FREM1: variants seen among roughly 807,000 people sequenced by gnomAD.
The protein encoded by FREM1 is FRAS1-related extracellular matrix protein 1.
A neutral mutation model predicts 210.1 loss-of-function variants in FREM1; 220 were observed. The ratio of observed to expected loss-of-function variants is 1.05; its 90% confidence interval spans 0.94 to 1.17. The LOEUF is 1.17. Among genes scored for constraint, FREM1 ranks in the 50% most tolerant of loss-of-function variants. The pLI is 0.00. For synonymous variants in FREM1, 1,189 were observed against 980.2 expected (o/e 1.21, Z -3.98); for missense variants, 3,454 against 2,675.5 (o/e 1.29, Z -6.42).
chr9:14,868,888 G>T lies in FREM1; in HGVS notation c.90C>A (p.Arg30=). 6.2e-7 allele frequency: 1 copy of T among 1,606,542 alleles called. No homozygotes were observed. Among genetic ancestry groups the T allele is most frequent in the Non-Finnish European group, 8.5e-7 (1 of 1,176,582 alleles). ...AGTGGCCCTTCATCACCCTCACCCCGCGGTTGATGCTGATGAAGGTGGGGC... is the reference window on the plus strand; with the variant it reads ...AGTGGCCCTTCATCACCCTCACCCCTCGGTTGATGCTGATGAAGGTGGGGC... ...WASPTFISIN[R]GVRVMKGHSA... is the part of the protein sequence containing the mutation. The change falls in exon 2 of 37, where the codon CGC becomes CGA. Residue 30 remains arginine, a synonymous_variant. Transcript: ENST00000380880.
At chr9:14,873,566 C>CTTT (rs146103469) in intron 1 of FREM1, among the ~76,000 whole-genome samples, 78,151 of 151,448 alleles carry the variant, frequency 0.52, 21,859 homozygotes, top group African/African-American at 0.74. Context: ...CTCTTTTCTT[C>CTTT]ATTAGTCTTG....
chr9:14,882,113 G>A (rs7870578), intron 1 of FREM1, among the ~76,000 whole-genome samples: 1 of 151,312 alleles, frequency 6.6e-6, no homozygotes, highest in African/African-American at 2.4e-5. Context: ...TTATTATTTT[G>A]TGTGTGTGTG....
chr9:14,855,168 T>C (rs1440026133), intron 5 of FREM1, among the ~76,000 whole-genome samples: 1 of 152,062 alleles, frequency 6.6e-6, no homozygotes, highest in Non-Finnish European at 1.5e-5. Flanking sequence ...ATAGGCCTAT[T>C]ATGTTTAGAA....
chr9:14,903,158 C>A (rs1455387699), intron 1 of FREM1, among the ~76,000 whole-genome samples: 3 of 152,092 alleles, frequency 2.0e-5, no homozygotes, highest in Non-Finnish European at 4.4e-5. Flanking sequence ...TAAGTAAAGT[C>A]ATTTTTATAA....
At chr9:14,791,889 GC>G (rs141417030) in intron 22 of FREM1, among the ~76,000 whole-genome samples, 11,927 of 152,134 alleles carry the variant, frequency 0.078, 564 homozygotes, top group East Asian at 0.1. Flanking sequence ...CTGGAGTGCA[GC>G]AGCACAATCT....
intron 3 of FREM1, among the ~76,000 whole-genome samples, chr9:14,861,715 C>G (rs1227860880): frequency 6.6e-6 from 1 of 152,014 alleles, no homozygotes; most frequent in Admixed American, 6.6e-5. Flanking sequence ...CCATGTTGAC[C>G]AGGCTGGTCT....
At chr9:14,811,896 G>C (rs1308771806) in intron 16 of FREM1, among the ~76,000 whole-genome samples, 1 of 152,066 alleles carries the variant, frequency 6.6e-6, no homozygotes, top group African/African-American at 2.4e-5. Flanking sequence ...TCCTGCATTG[G>C]AACTTGCAGT....
At chr9:14,856,451 C>T (rs1828744740) in intron 5 of FREM1, among the ~76,000 whole-genome samples, 1 of 152,046 alleles carries the variant, frequency 6.6e-6, no homozygotes, top group Non-Finnish European at 1.5e-5. Flanking sequence ...ATATCAATTC[C>T]TTGGGGTAAT....
chr9:14,886,133 T>G (rs1835761335), intron 1 of FREM1, among the ~76,000 whole-genome samples: 1 of 152,022 alleles, frequency 6.6e-6, no homozygotes, highest in Non-Finnish European at 1.5e-5. Context: ...ACGCCTGTAA[T>G]CCCAGCACTT....
At chr9:14,896,750 T>G (rs1185974851) in intron 1 of FREM1, among the ~76,000 whole-genome samples, 1 of 152,176 alleles carries the variant, frequency 6.6e-6, no homozygotes, top group Non-Finnish European at 1.5e-5. Flanking sequence ...GTATTCGCTG[T>G]GATAGCATAG....
intron 27 of FREM1, among the ~76,000 whole-genome samples, chr9:14,766,207 T>C (rs1449127651): frequency 6.6e-6 from 1 of 152,204 alleles, no homozygotes; most frequent in African/African-American, 2.4e-5. Context: ...AGACAACTCA[T>C]GAAAACACTT....
chr9:14,834,869 A>G (rs1357443212), intron 10 of FREM1, among the ~76,000 whole-genome samples: 1 of 148,460 alleles, frequency 6.7e-6, no homozygotes, highest in Non-Finnish European at 1.5e-5. Flanking sequence ...AACCACGAAG[A>G]TAAATAAAGT....
chr9:14,739,515 A>G, intron 36 of FREM1, among the ~76,000 whole-genome samples: 1 of 145,564 alleles, frequency 6.9e-6, no homozygotes, highest in Middle Eastern at 3.6e-3. Flanking sequence ...GAATATATGT[A>G]TATATTCCAA....
chr9:14,807,679 AC>A (rs1818635345), intron 17 of FREM1, among the ~76,000 whole-genome samples: 1 of 142,210 alleles, frequency 7.0e-6, no homozygotes, highest in Non-Finnish European at 1.6e-5. Context: ...ACAAAGACAC[AC>A]ACACACACAC....
chr9:14,875,929 C>T (rs1336561479), intron 1 of FREM1, among the ~76,000 whole-genome samples: 1 of 152,214 alleles, frequency 6.6e-6, no homozygotes, highest in East Asian at 1.9e-4. Flanking sequence ...CTGGAGTTTG[C>T]TAGAGGTCCA....
chr9:14,798,659 A>G (rs915056247), intron 20 of FREM1, among the ~76,000 whole-genome samples: 1 of 151,554 alleles, frequency 6.6e-6, no homozygotes, highest in East Asian at 1.9e-4. Context: ...GTAATTATCA[A>G]AAGTTACGTT....
At chr9:14,909,346 G>C (rs1313348005) in intron 1 of FREM1, among the ~76,000 whole-genome samples, 2 of 125,068 alleles carry the variant, frequency 1.6e-5, no homozygotes, top group Non-Finnish European at 1.7e-5. Context: ...TGAGCAGAGA[G>C]AGCCTAAAAA....
chr9:14,835,111 A>G (rs533182076), intron 10 of FREM1, among the ~76,000 whole-genome samples: 1 of 152,250 alleles, frequency 6.6e-6, no homozygotes, highest in Non-Finnish European at 1.5e-5. Flanking sequence ...AATATCAAGC[A>G]AAACAAAATT....
intron 16 of FREM1, 84 bp downstream of exon 16, chr9:14,812,728 T>A: frequency 7.3e-7 from 1 of 1,368,022 alleles, no homozygotes. Context: ...CCATTCTGAC[T>A]GTTTGATTAT....
Sources: gnomAD v4.1 joint callset for allele counts (sites outside exome capture counted in the v4.1 genomes callset) on GRCh38, gnomAD v4.1.1 for gene constraint, MANE v1.5 for transcripts, NCBI Gene and HGNC (gene_info 2026-07-23, HGNC 2026-07-21) for gene names.